The following TBC1D1 variants were observed in gnomAD, a reference collection of about 807,000 sequenced individuals.
TBC1D1 encodes TBC1 domain family member 1, also known as TBC1 (tre-2/USP6, BUB2, cdc16) domain family, member 1.
Under a neutral mutation model 125.6 loss-of-function variants are expected in TBC1D1, and 89 were observed. That is an observed-to-expected ratio of 0.71 (90% CI 0.60 to 0.85). The LOEUF (loss-of-function observed/expected upper bound fraction) is 0.85, where lower values mean the gene tolerates loss of function less well. TBC1D1 is among the 40% of genes least tolerant of loss of function. The pLI is 0.00. For synonymous variants in TBC1D1, 565 were observed against 564.1 expected (o/e 1.00, Z -0.02); for missense variants, 1,377 against 1,469.2 (o/e 0.94, Z 1.03).
At position 38,035,616 on chromosome 4, in the gene TBC1D1, A is replaced by C; in HGVS notation, c.1331A>C (p.Glu444Ala). The change falls in exon 8 of 20, where the codon GAG (glutamate) becomes GCG (alanine). Residue 444 changes from glutamate to alanine, a missense_variant. Physicochemically the swap from Glu to Ala is moderately radical, Grantham distance 107 (BLOSUM62 -1). Around this residue, in one of 3 missense-constraint regions of TBC1D1, gnomAD observed 822 missense variants for 824.6 expected, o/e 1.00. Coordinates refer to ENST00000261439, the MANE Select transcript of TBC1D1 (RefSeq NM_015173.4). ...TTGAGACCGAGAAATGAGCAGCGAG[A>C]GAATGAATTGATTATTTCTTTTCTG... The C allele has an allele frequency of 1.5e-5, 25 of 1,613,952 alleles. No homozygotes were observed. The highest frequency in any genetic ancestry group is 2.0e-5 in the Non-Finnish European group (24 of 1,179,908).
At chr4:38,008,903 C>T (rs181893493) in intron 2 of TBC1D1, among the ~76,000 whole-genome samples, 1 of 152,296 alleles carries the variant, frequency 6.6e-6, no homozygotes, top group East Asian at 1.9e-4. Flanking sequence ...ATGTCTTACT[C>T]ATTGTAGGAG....
chr4:38,070,012 G>A (rs1379284117), intron 12 of TBC1D1, among the ~76,000 whole-genome samples: 2 of 152,172 alleles, frequency 1.3e-5, no homozygotes, highest in African/African-American at 2.4e-5. Context: ...GCTGTGGGAG[G>A]TGTGGAGCAG....
At chr4:38,017,533 G>A (rs1234360814) in intron 3 of TBC1D1, among the ~76,000 whole-genome samples, 3 of 152,196 alleles carry the variant, frequency 2.0e-5, no homozygotes, top group East Asian at 1.9e-4. Context: ...CTCATTGAGA[G>A]TATAATTCCC....
At chr4:38,129,887 A>G (rs952584106) in intron 18 of TBC1D1, among the ~76,000 whole-genome samples, 1 of 152,234 alleles carries the variant, frequency 6.6e-6, no homozygotes, top group African/African-American at 2.4e-5. Context: ...CTGTATGCAG[A>G]ACATTAGCAT....
chr4:38,085,160 G>A (rs1252251871), intron 12 of TBC1D1, among the ~76,000 whole-genome samples: 1 of 152,136 alleles, frequency 6.6e-6, no homozygotes, highest in Non-Finnish European at 1.5e-5. Flanking sequence ...GGAATAATTT[G>A]GCATCTAAAA....
At chr4:38,101,362 T>A (rs1006608699) in intron 14 of TBC1D1, among the ~76,000 whole-genome samples, 1 of 152,234 alleles carries the variant, frequency 6.6e-6, no homozygotes, top group African/African-American at 2.4e-5. Flanking sequence ...TTCAGTCTTC[T>A]TGCTCTCCCC....
intron 18 of TBC1D1, among the ~76,000 whole-genome samples, chr4:38,128,414 C>A (rs560548877): frequency 6.6e-6 from 1 of 152,242 alleles, no homozygotes. Flanking sequence ...CCTCTGCAGC[C>A]TTAGAGATCC....
At position 38,135,846 on chromosome 4, in the gene TBC1D1, ATATATATATGTGTGTGTG is replaced by A. The variant is rs1350795403; in HGVS notation, c.3307-1269_3307-1252del. ...TTTCTTTGTTTGAAAAATGAAAAAT[ATATATATATGTGTGTGTG>A]TATATATATGTGTGTGTGTGTGTAT... On this transcript the variant is annotated intron_variant, in intron 19 of 19. Coordinates refer to ENST00000261439, the MANE Select transcript of TBC1D1 (RefSeq NM_015173.4). 2.0e-4 allele frequency among the ~76,000 whole-genome samples: 23 copies of A among 113,506 alleles called. No homozygotes were observed. The East Asian group carries it at 4.0e-3, about 20-fold the overall frequency. The allele number at this position is 113,506 out of a possible 152,430, so 74.5% of individuals were successfully genotyped here. A position where few individuals can be genotyped will look rare whatever the true frequency, so the allele number is the denominator to read the frequency against.
chr4:38,016,454 CTGCTGAAA>C (rs1742738334), intron 3 of TBC1D1, among the ~76,000 whole-genome samples: 1 of 152,212 alleles, frequency 6.6e-6, no homozygotes, highest in Admixed American at 6.5e-5. Flanking sequence ...CTTTAGGTCT[CTGCTGAAA>C]TGTTGACATG....
intron 2 of TBC1D1, among the ~76,000 whole-genome samples, chr4:37,999,498 A>G (rs757765182): frequency 7.2e-5 from 11 of 152,216 alleles, no homozygotes; most frequent in Admixed American, 1.3e-4. Flanking sequence ...CACAGAAACG[A>G]ATCAAACAGC....
At chr4:37,992,779 C>T (rs1736894308) in intron 2 of TBC1D1, among the ~76,000 whole-genome samples, 1 of 149,744 alleles carries the variant, frequency 6.7e-6, no homozygotes, top group South Asian at 2.1e-4. Context: ...AGGTGTGAGC[C>T]ACCATGCCTG....
At chr4:37,924,466 A>G (rs894211281) in intron 2 of TBC1D1, among the ~76,000 whole-genome samples, 1 of 152,156 alleles carries the variant, frequency 6.6e-6, no homozygotes, top group African/African-American at 2.4e-5. Flanking sequence ...CCACCATTAC[A>G]CTACCCATTT....
At chr4:37,938,761 T>G (rs1195186930) in intron 2 of TBC1D1, among the ~76,000 whole-genome samples, 1 of 152,034 alleles carries the variant, frequency 6.6e-6, no homozygotes, top group Non-Finnish European at 1.5e-5. Context: ...CACCTATGAG[T>G]GAGAACAAGC....
At chr4:38,054,473 C>T in intron 12 of TBC1D1, 135 bp downstream of exon 14, 1 of 1,149,136 alleles carries the variant, frequency 8.7e-7, no homozygotes, top group African/African-American at 1.5e-5. Flanking sequence ...ACAAAGGTAA[C>T]TAGGGAGGGA....
chr4:37,960,945 T>G (rs1298079111), intron 2 of TBC1D1: 2 of 1,614,030 alleles, frequency 1.2e-6, no homozygotes, highest in African/African-American at 2.7e-5. Flanking sequence ...GAAAATGCCC[T>G]CTCCACCATG....
chr4:37,908,694 C>T (rs1717886428), intron 2 of TBC1D1, among the ~76,000 whole-genome samples: 2 of 152,154 alleles, frequency 1.3e-5, no homozygotes, highest in South Asian at 4.1e-4. Flanking sequence ...CAGCCTTCCC[C>T]TTTTCCACCC....
At chr4:37,941,617 G>T (rs1688309719) in intron 2 of TBC1D1, among the ~76,000 whole-genome samples, 1 of 152,076 alleles carries the variant, frequency 6.6e-6, no homozygotes. Flanking sequence ...TGTGATGTTA[G>T]GGTGTCAATT....
At chr4:38,045,222 T>G (rs1749168070) in intron 9 of TBC1D1, among the ~76,000 whole-genome samples, 1 of 152,254 alleles carries the variant, frequency 6.6e-6, no homozygotes. Flanking sequence ...CCCTCAGAGT[T>G]TCACACCTTT....
chr4:37,925,747 A>T (rs1348421761), intron 2 of TBC1D1, among the ~76,000 whole-genome samples: 1 of 151,842 alleles, frequency 6.6e-6, no homozygotes, highest in Admixed American at 6.6e-5. Flanking sequence ...TTGGAAAAAA[A>T]TAGTAACATA....
Sources: allele counts gnomAD v4.1 joint callset (sites outside exome capture counted in the v4.1 genomes callset), GRCh38; gene constraint gnomAD v4.1.1; regional missense constraint gnomAD v4.1.1; transcripts MANE v1.5; gene names NCBI Gene and HGNC (gene_info 2026-07-23, HGNC 2026-07-21).